SNTG1: variants seen among roughly 807,000 people sequenced by gnomAD.
SNTG1 encodes syntrophin gamma 1.
In SNTG1, 39 loss-of-function variants were observed where a neutral mutation model predicts 74.7. The observed-to-expected ratio is 0.52, with a 90% CI of 0.40 to 0.68. The LOEUF (loss-of-function observed/expected upper bound fraction) is 0.68. SNTG1 is among the 30% of genes least tolerant of loss of function. The pLI, the probability that SNTG1 is intolerant of heterozygous loss-of-function variation, is 0.00. For missense variants in SNTG1, 685 were observed against 609.5 expected, an observed-to-expected ratio of 1.12 and a Z score of -1.30; for synonymous variants, 254 against 217.1, an observed-to-expected ratio of 1.17 and a Z score of -1.49.
chr8:50,686,959 C>A (rs540638080), intron 15 of SNTG1, among the ~76,000 whole-genome samples: 1 of 150,756 alleles, frequency 6.6e-6, no homozygotes, highest in African/African-American at 2.4e-5. Flanking sequence ...CAAGGTGAAA[C>A]CCCGTCTCTA....
chr8:50,027,738 T>C (rs1817389556), intron 1 of SNTG1, among the ~76,000 whole-genome samples: 1 of 152,218 alleles, frequency 6.6e-6, no homozygotes, highest in African/African-American at 2.4e-5. Flanking sequence ...TGGAACTTTG[T>C]ACCAACACCC....
chr8:50,059,717 C>T (rs1716990233), intron 1 of SNTG1, among the ~76,000 whole-genome samples: 1 of 152,084 alleles, frequency 6.6e-6, no homozygotes, highest in African/African-American at 2.4e-5. Flanking sequence ...ATGACTATAT[C>T]ATATTTTACT....
chr8:50,516,473 GA>G (rs1288071269), intron 9 of SNTG1, among the ~76,000 whole-genome samples: 1 of 152,178 alleles, frequency 6.6e-6, no homozygotes, highest in African/African-American at 2.4e-5. Context: ...GTAGTCTTCA[GA>G]AGGTGGGTAA....
At chr8:50,167,340 A>T (rs984896680) in intron 1 of SNTG1, among the ~76,000 whole-genome samples, 4 of 149,480 alleles carry the variant, frequency 2.7e-5, no homozygotes, top group African/African-American at 9.9e-5. Flanking sequence ...AAATAAAAAA[A>T]AAAATCTTTG....
chr8:50,520,344 G>A lies in SNTG1; in HGVS notation c.467-9833G>A, dbSNP rs192962718. On this transcript the variant is annotated intron_variant, in intron 9 of 18. Coordinates refer to ENST00000642720, the MANE Select transcript of SNTG1 (RefSeq NM_018967.5). ...ATCTAAAACCATAAAAACCCTTGAA[G>A]AAAACCTAGGCAATACCATTCAGGG... 6.6e-3 allele frequency among the ~76,000 whole-genome samples: 1,001 copies of A among 152,286 alleles called. 15 individuals carry two copies. Among genetic ancestry groups the A allele is most frequent in the African/African-American group, 0.023 (957 of 41,562 alleles).
At chr8:50,103,042 G>A (rs1355570965) in intron 1 of SNTG1, among the ~76,000 whole-genome samples, 1 of 151,824 alleles carries the variant, frequency 6.6e-6, no homozygotes, top group East Asian at 1.9e-4. Flanking sequence ...TGGCGATGCG[G>A]GCTCTTTTTT....
intron 2 of SNTG1, among the ~76,000 whole-genome samples, chr8:50,389,197 G>C (rs1318250184): frequency 6.6e-6 from 1 of 152,176 alleles, no homozygotes; most frequent in Non-Finnish European, 1.5e-5. Flanking sequence ...AATAAGTGCA[G>C]TCTATATGAA....
intron 17 of SNTG1, among the ~76,000 whole-genome samples, chr8:50,716,423 A>G (rs563758349): frequency 4.5e-4 from 68 of 151,976 alleles, no homozygotes; most frequent in South Asian, 2.1e-4. Context: ...TTTCTTTCCA[A>G]TTGTGTTACA....
chr8:49,980,599 G>T (rs539699864), intron 1 of SNTG1, among the ~76,000 whole-genome samples: 134 of 148,494 alleles, frequency 9.0e-4, no homozygotes, highest in African/African-American at 3.3e-3. Context: ...CTGCCTCTCA[G>T]CTGCCCAGCC....
At chr8:50,640,509 CCTCAGTCTTTT>C (rs918308915) in intron 13 of SNTG1, among the ~76,000 whole-genome samples, 4 of 152,080 alleles carry the variant, frequency 2.6e-5, no homozygotes, top group African/African-American at 9.7e-5. Context: ...TCTTCTTGCT[CCTCAGTCTTTT>C]CTTCATGCCT....
intron 9 of SNTG1, among the ~76,000 whole-genome samples, chr8:50,512,810 C>T (rs1165021378): frequency 1.3e-5 from 2 of 152,054 alleles, no homozygotes; most frequent in African/African-American, 4.8e-5. Flanking sequence ...TTTAGTTAGC[C>T]ATTCATCTAA....
chr8:50,384,837 T>A (rs866056962), intron 2 of SNTG1, among the ~76,000 whole-genome samples: 27 of 152,122 alleles, frequency 1.8e-4, no homozygotes, highest in Non-Finnish European at 1.2e-4. Flanking sequence ...CCTTAGGGTC[T>A]GCTTGAGCCC....
At chr8:50,676,271 G>A (rs2095309364) in intron 15 of SNTG1, among the ~76,000 whole-genome samples, 1 of 151,096 alleles carries the variant, frequency 6.6e-6, no homozygotes, top group Non-Finnish European at 1.5e-5. Flanking sequence ...GGTACTCCAG[G>A]TTTGGACTTT....
intron 1 of SNTG1, 84 bp from the exon 2 acceptor site, chr8:50,172,477 A>T (rs1162075945): frequency 2.6e-5 from 4 of 152,178 alleles, no homozygotes; most frequent in Non-Finnish European, 5.9e-5. Context: ...TCATGGGTAA[A>T]GTAGATACAT....
chr8:50,250,721 T>G (rs533779886), intron 2 of SNTG1, among the ~76,000 whole-genome samples: 2 of 151,916 alleles, frequency 1.3e-5, no homozygotes, highest in African/African-American at 4.8e-5. Flanking sequence ...AAATAAAAAA[T>G]TTCTCACAGC....
intron 2 of SNTG1, among the ~76,000 whole-genome samples, chr8:50,327,359 C>A (rs1412855865): frequency 6.6e-6 from 1 of 152,160 alleles, no homozygotes; most frequent in African/African-American, 2.4e-5. Flanking sequence ...TAGACACATA[C>A]ACACTAAAGA....
intron 2 of SNTG1, among the ~76,000 whole-genome samples, chr8:50,212,920 A>G (rs1036859738): frequency 6.6e-6 from 1 of 152,308 alleles, no homozygotes; most frequent in South Asian, 2.1e-4. Flanking sequence ...AACGTGTGGA[A>G]GCAACCCCAG....
intron 13 of SNTG1, among the ~76,000 whole-genome samples, chr8:50,654,161 A>G (rs935330316): frequency 1.3e-5 from 2 of 152,028 alleles, no homozygotes; most frequent in South Asian, 2.1e-4. Flanking sequence ...CTCTTTCAAT[A>G]TATCTTCTGT....
chr8:50,660,509 A>G (rs1563708888), intron 15 of SNTG1, among the ~76,000 whole-genome samples: 3 of 135,182 alleles, frequency 2.2e-5, no homozygotes, highest in African/African-American at 8.5e-5. Flanking sequence ...AAGGAGAAGG[A>G]AGGGAGGGAG....
Sources: gnomAD v4.1 joint callset for allele counts (sites outside exome capture counted in the v4.1 genomes callset) on GRCh38, gnomAD v4.1.1 for gene constraint, MANE v1.5 for transcripts, NCBI Gene and HGNC (gene_info 2026-07-23, HGNC 2026-07-21) for gene names.